Variants in MACROD2 observed in about 807,000 individuals in gnomAD.
MACROD2 encodes mono-ADP ribosylhydrolase 2.
In MACROD2, 36 loss-of-function variants were observed where a neutral mutation model predicts 70.4. That is an observed-to-expected ratio of 0.51 (90% CI 0.39 to 0.68). MACROD2 has a LOEUF of 0.68. Among genes scored for constraint, MACROD2 ranks in the 30% least tolerant of loss-of-function variants. The pLI is 0.00. For missense variants in MACROD2, 496 were observed against 538.4 expected, an observed-to-expected ratio of 0.92 and a Z score of 0.78; for synonymous variants, 172 against 178.8, an observed-to-expected ratio of 0.96 and a Z score of 0.30.
At chr20:15,254,929 C>CTTTTT (rs762538763) in intron 6 of MACROD2, among the ~76,000 whole-genome samples, 13 of 80,528 alleles carry the variant, frequency 1.6e-4, no homozygotes, top group African/African-American at 2.4e-4. Context: ...CAAAGCACAC[C>CTTTTT]TTTTTTTTTT....
chr20:15,957,065 T>G (rs184779282), intron 12 of MACROD2, among the ~76,000 whole-genome samples: 14 of 152,278 alleles, frequency 9.2e-5, no homozygotes, highest in African/African-American at 3.1e-4. Flanking sequence ...TCATTCAATT[T>G]ACGTCAAGTC....
At chr20:15,761,496 C>T (rs62194689) in intron 8 of MACROD2, among the ~76,000 whole-genome samples, 24,036 of 152,150 alleles carry the variant, frequency 0.16, 2,067 homozygotes, top group Middle Eastern at 0.28. Flanking sequence ...AAAATCGCTT[C>T]AATGATCTGA....
chr20:15,973,496 A>G (rs1333605499), intron 13 of MACROD2, among the ~76,000 whole-genome samples: 1 of 152,198 alleles, frequency 6.6e-6, no homozygotes, highest in East Asian at 1.9e-4. Context: ...AATAAAATTA[A>G]AAGAAGATAC....
At chr20:15,846,207 T>A (rs1191768013) in intron 8 of MACROD2, among the ~76,000 whole-genome samples, 2 of 152,206 alleles carry the variant, frequency 1.3e-5, no homozygotes, top group African/African-American at 4.8e-5. Flanking sequence ...GACCAGAACT[T>A]CTCAGGCTAT....
chr20:15,640,038 GGTGAGAGAAGAAGAGAGAAAGGGGGC>G lies in MACROD2; in HGVS notation c.645+140202_645+140227del, dbSNP rs2049433941. ...GATAGAGAGAAGGAGAGAGAAAAGG[GGTGAGAGAAGAAGAGAGAAAGGGGGC>G]GTGAGAGAAGGTGAGAGAAAAAAGG... is the stretch of plus-strand genomic sequence containing the variant. On this transcript the variant is annotated intron_variant, in intron 8 of 17. Transcript: ENST00000684519. Among the ~76,000 whole-genome samples, 6 of 149,606 alleles carry G rather than the reference GGTGAGAGAAGAAGAGAGAAAGGGGGC, an allele frequency of 4.0e-5. No individual in the cohort carries two copies. In the South Asian group the frequency reaches 1.1e-3, roughly 27 times the overall value.
intron 6 of MACROD2, among the ~76,000 whole-genome samples, chr20:15,423,106 A>G (rs2046251878): frequency 6.6e-6 from 1 of 152,210 alleles, no homozygotes; most frequent in Admixed American, 6.5e-5. Context: ...GCATAGTTAT[A>G]TCATTGCCAT....
At chr20:14,205,757 G>GACA (rs2081517961) in intron 3 of MACROD2, among the ~76,000 whole-genome samples, 1 of 152,186 alleles carries the variant, frequency 6.6e-6, no homozygotes, top group Admixed American at 6.5e-5. Flanking sequence ...AGGAAGTGGA[G>GACA]CCTGACACCC....
At chr20:15,875,127 T>G (rs988914260) in intron 9 of MACROD2, among the ~76,000 whole-genome samples, 2 of 152,160 alleles carry the variant, frequency 1.3e-5, no homozygotes, top group African/African-American at 4.8e-5. Context: ...GAAAGCAGCC[T>G]AGCTGATATG....
chr20:15,080,683 C>G (rs896249786), intron 5 of MACROD2, among the ~76,000 whole-genome samples: 3 of 152,216 alleles, frequency 2.0e-5, no homozygotes, highest in East Asian at 3.9e-4. Context: ...CAGACTCATT[C>G]ATGCACTTGT....
intron 3 of MACROD2, among the ~76,000 whole-genome samples, chr20:14,131,896 C>A (rs142033906): frequency 0.013 from 1,982 of 152,074 alleles, 17 homozygotes; most frequent in South Asian, 0.037. Context: ...CTTTGGGAGG[C>A]CGAGTCAGGT....
intron 8 of MACROD2, among the ~76,000 whole-genome samples, chr20:15,541,806 G>A (rs2047959710): frequency 6.6e-6 from 1 of 152,116 alleles, no homozygotes; most frequent in African/African-American, 2.4e-5. Flanking sequence ...AAATGTTTGG[G>A]ACACAACCTT....
chr20:15,051,240 T>C (rs1371078301), intron 5 of MACROD2, among the ~76,000 whole-genome samples: 1 of 152,140 alleles, frequency 6.6e-6, no homozygotes, highest in Non-Finnish European at 1.5e-5. Context: ...TTTTGGAACA[T>C]TTTTTGATAT....
At chr20:15,605,780 C>A (rs1051346261) in intron 8 of MACROD2, among the ~76,000 whole-genome samples, 6 of 152,122 alleles carry the variant, frequency 3.9e-5, no homozygotes, top group Admixed American at 2.0e-4. Flanking sequence ...CCATTGTTGT[C>A]TAGAGCCTCG....
At chr20:14,117,122 C>T (rs1232519407) in intron 3 of MACROD2, among the ~76,000 whole-genome samples, 4 of 151,284 alleles carry the variant, frequency 2.6e-5, no homozygotes, top group African/African-American at 7.3e-5. Flanking sequence ...ATAGTATATT[C>T]TTTACTTTGT....
chr20:15,047,970 A>AT (rs1248073086), intron 5 of MACROD2, among the ~76,000 whole-genome samples: 1 of 152,020 alleles, frequency 6.6e-6, no homozygotes, highest in Admixed American at 6.6e-5. Flanking sequence ...GAAATACATA[A>AT]TTTTTTTAAA....
chr20:15,263,976 A>G (rs963644838), intron 6 of MACROD2, among the ~76,000 whole-genome samples: 29 of 152,130 alleles, frequency 1.9e-4, no homozygotes, highest in African/African-American at 7.0e-4. Context: ...TATTACCTGC[A>G]AACAGGATAA....
chr20:15,874,053 A>G (rs1349052094), intron 9 of MACROD2, among the ~76,000 whole-genome samples: 2 of 148,276 alleles, frequency 1.3e-5, no homozygotes, highest in African/African-American at 5.0e-5. Context: ...TCCTAACGCT[A>G]TCCCTCCCCC....
At chr20:14,172,478 T>C (rs2081230726) in intron 3 of MACROD2, among the ~76,000 whole-genome samples, 1 of 152,068 alleles carries the variant, frequency 6.6e-6, no homozygotes, top group South Asian at 2.1e-4. Context: ...CTAATTTTTG[T>C]ATTTTTAGTA....
At chr20:14,421,414 A>G (rs2083874791) in intron 3 of MACROD2, among the ~76,000 whole-genome samples, 1 of 152,130 alleles carries the variant, frequency 6.6e-6, no homozygotes, top group South Asian at 2.1e-4. Flanking sequence ...GAGTCTATCC[A>G]GATTTTCTGT....
Sources: gnomAD v4.1 joint callset for allele counts (sites outside exome capture counted in the v4.1 genomes callset) on GRCh38, gnomAD v4.1.1 for gene constraint, MANE v1.5 for transcripts, NCBI Gene and HGNC (gene_info 2026-07-23, HGNC 2026-07-21) for gene names.